STAG3: variants seen among roughly 807,000 people sequenced by gnomAD.
STAG3 encodes STAG3 cohesin complex component, also known as cohesin subunit SA-3.
A neutral mutation model predicts 160.7 loss-of-function variants in STAG3; 101 were observed. The ratio of observed to expected loss-of-function variants is 0.63; its 90% CI spans 0.54 to 0.74. The LOEUF (loss-of-function observed/expected upper bound fraction) is 0.74, where lower values mean the gene tolerates loss of function less well. Among genes scored for constraint, STAG3 ranks in the 30% least tolerant of loss-of-function variants. STAG3 has a pLI of 0.00. For synonymous variants in STAG3, 519 were observed against 585.0 expected (o/e 0.89, Z 1.63); for missense variants, 1,188 against 1,517.4 (o/e 0.78, Z 3.61).
At chr7:100,192,069 C>G (rs572680342) in intron 8 of STAG3, among the ~76,000 whole-genome samples, 2 of 152,348 alleles carry the variant, frequency 1.3e-5, no homozygotes, top group Non-Finnish European at 2.9e-5. Context: ...GTCTCTACTT[C>G]TAGTTCTCTT....
At chr7:100,212,807 C>A (rs909436672) in intron 32 of STAG3, 1 of 152,060 alleles carries the variant, frequency 6.6e-6, no homozygotes, top group Admixed American at 6.5e-5. Context: ...GTTCCAGCAA[C>A]TCGGGAGGTG....
In STAG3 at chr7:100,201,281, G is replaced by A. The variant is rs907848936; in HGVS notation, c.2150G>A (p.Arg717His). 15 of 1,613,996 alleles carry A rather than the reference G, an allele frequency of 9.3e-6. No individual in the cohort carries two copies. The highest frequency in any genetic ancestry group is 3.3e-5 in the South Asian group (3 of 91,074). The change falls in exon 21 of 34, where the codon CGC becomes CAC. Residue 717 changes from arginine (R) to histidine (H), a missense_variant. Physicochemically the swap from Arg to His is conservative, Grantham distance 29. Transcript: ENST00000615138. ...CCCCAAAGCACTCATGACCTGACTC[G>A]CTGGGAGCTCTATGAGCCATGTTGC... The part of the protein sequence containing the change: ...SAFYNTHDLT[R>H]WELYEPCCQL...
rs6948729 is a variant in STAG3, at chr7:100,189,749, A to G, written c.867+153A>G. Among the ~76,000 whole-genome samples the G allele has an allele frequency of 0.31, 47,024 of 152,032 alleles. 7,958 individuals carry two copies. Among genetic ancestry groups the G allele is most frequent in the East Asian group, 0.63 (3,232 of 5,170 alleles). On this transcript the variant is annotated intron_variant, in intron 8 of 33. Transcript: ENST00000615138. ...TAGACCCATCCTGTAAGGGGTCATTACATGCTCATCTTGTTTCTGGGTTGT... is the reference window on the plus strand; with the variant it reads ...TAGACCCATCCTGTAAGGGGTCATTGCATGCTCATCTTGTTTCTGGGTTGT...
chr7:100,194,382 GGAGA>G (rs960199505), intron 8 of STAG3, among the ~76,000 whole-genome samples: 4 of 152,056 alleles, frequency 2.6e-5, no homozygotes, highest in Admixed American at 2.0e-4. Flanking sequence ...GGAGGCCTGA[GGAGA>G]GAGAGAGAGA....
At chr7:100,191,684 G>A (rs13311189) in intron 8 of STAG3, among the ~76,000 whole-genome samples, 4 of 152,230 alleles carry the variant, frequency 2.6e-5, no homozygotes, top group Non-Finnish European at 5.9e-5. Flanking sequence ...GCTGCTGACT[G>A]ATCAGGGTAG....
chr7:100,183,391 A>G (rs1408276676), intron 4 of STAG3, among the ~76,000 whole-genome samples: 2 of 152,222 alleles, frequency 1.3e-5, no homozygotes, highest in Admixed American at 6.5e-5. Flanking sequence ...AGATGAGGAG[A>G]GGCATTGCAT....
rs1314986451 is a variant in STAG3, at chr7:100,200,793, C to G, written c.1885C>G (p.Leu629Val). ...GCACCTGGAGCTGTTCCTGCAGCAA[C>G]TCCAGGAGGTGGTGGTGAAGCATGC... ...EKHLELFLQQ[L>V]QEVVVKHAEP... Residue 629 changes from leucine (L) to valine (V), a missense_variant, in exon 19 of 34, where the codon CTC becomes GTC. By Grantham distance (32) the Leu-to-Val change is conservative. This residue lies in a region of STAG3 where 240 missense variants were observed against 358.1 expected (regional missense o/e 0.67). Transcript: ENST00000615138. 6.2e-7 allele frequency: 1 copy of G among 1,614,224 alleles called. No homozygotes were observed. Among genetic ancestry groups the G allele is most frequent in the East Asian group, 2.2e-5 (1 of 44,886 alleles).
At chr7:100,211,663 C>G (rs1802221613) in intron 31 of STAG3, 124 bp downstream of exon 31, 1 of 1,397,198 alleles carries the variant, frequency 7.2e-7, no homozygotes, top group African/African-American at 1.4e-5. Flanking sequence ...CAGAGCACTT[C>G]CTGTCAGCAC....
chr7:100,194,091 G>A (rs1246390355), intron 8 of STAG3, among the ~76,000 whole-genome samples: 5 of 151,878 alleles, frequency 3.3e-5, no homozygotes, highest in African/African-American at 1.2e-4. Context: ...GGGGTTATAG[G>A]TGCCCGCCAC....
At chr7:100,215,675 T>G (rs1365309832), downstream of STAG3, among the ~76,000 whole-genome samples, 1 of 152,130 alleles carries the variant, frequency 6.6e-6, no homozygotes, top group Non-Finnish European at 1.5e-5. Flanking sequence ...TATGGACACC[T>G]GTGTACAGCC....
chr7:100,196,129 CAAAAAAAGA>C lies in STAG3; in HGVS notation c.941+764_941+772del, dbSNP rs1167893125. On this transcript the variant is annotated intron_variant, in intron 9 of 33. Coordinates refer to ENST00000615138, the MANE Select transcript of STAG3 (RefSeq NM_001282717.2). ...AGGCAACAAGAGTGAAACTCCATCT[CAAAAAAAGA>C]AAAAAAAGAAAAAAAAAATTGTAGA... 1.8e-3 allele frequency among the ~76,000 whole-genome samples: 265 copies of C among 149,548 alleles called. 2 individuals carry two copies. The highest frequency in any genetic ancestry group is 7.4e-3 in the South Asian group (35 of 4,732).
Position 100,204,072 on chromosome 7 carries a change from C to T in STAG3, c.2752C>T (p.Gln918Ter), listed in dbSNP as rs778830962. 1 of 1,614,086 alleles carries T rather than the reference C, an allele frequency of 6.2e-7. No individual in the cohort carries two copies. Among genetic ancestry groups the T allele is most frequent in the Admixed American group, 1.7e-5 (1 of 60,012 alleles). Residue 918 changes from glutamine to a stop codon, truncating the protein, a stop_gained, in exon 26 of 34, where the codon CAG becomes TAG. Transcript: ENST00000615138. LOFTEE classifies it high-confidence loss of function. ...CAAGGAAACATTAACTAGAGCAAGG[C>T]AGATTGACCGAAGTCATTGTTCCCG... Reference protein sequence around the residue: ...IIKETLTRARQIDRSHCSRIL... With the variant: ...IIKETLTRAR
chr7:100,213,414 G>C (rs1464852706), intron 32 of STAG3: 1 of 985,338 alleles, frequency 1.0e-6, no homozygotes, highest in East Asian at 1.1e-4. Flanking sequence ...CTCAGAAGGA[G>C]AAACCAAACA....
In STAG3 at chr7:100,204,081, C is replaced by G. The variant is rs772448727; in HGVS notation, c.2761C>G (p.Arg921Gly). 4 of 1,614,100 alleles carry G rather than the reference C, an allele frequency of 2.5e-6. No individual in the cohort carries two copies. The highest frequency in any genetic ancestry group is 1.3e-5 in the African/African-American group (1 of 75,036). The change falls in exon 26 of 34, where the codon CGA becomes GGA. Residue 921 changes from arginine to glycine, a missense_variant. By Grantham distance (125) the Arg-to-Gly change is moderately radical. Coordinates refer to ENST00000615138, the MANE Select transcript of STAG3 (RefSeq NM_001282717.2). ...ATTAACTAGAGCAAGGCAGATTGACCGAAGTCATTGTTCCCGAATCCTGCT... is the reference window on the plus strand; with the variant it reads ...ATTAACTAGAGCAAGGCAGATTGACGGAAGTCATTGTTCCCGAATCCTGCT... ...ETLTRARQID[R>G]SHCSRILLLS...
chr7:100,210,968 C>A, intron 29 of STAG3, 43 bp from the exon 30 acceptor site: 1 of 1,582,892 alleles, frequency 6.3e-7, no homozygotes. Flanking sequence ...GCACACCTGT[C>A]GCAGGCCCTG....
At position 100,211,887 on chromosome 7, in the gene STAG3, C is replaced by A. The variant is rs775157188; in HGVS notation, c.3600+11C>A. On this transcript the variant is annotated intron_variant, in intron 32 of 33. Coordinates refer to ENST00000615138, the MANE Select transcript of STAG3 (RefSeq NM_001282717.2). ...CAGGATACAGACATGGTGAGTAGAC[C>A]ACCCTGCCCTTCTCTCTCAAGAACT... 23 of 1,612,668 alleles carry A rather than the reference C, an allele frequency of 1.4e-5. No homozygotes were observed. Among genetic ancestry groups the A allele is most frequent in the Non-Finnish European group, 1.9e-5 (22 of 1,179,302 alleles).
At chr7:100,188,147 A>G (rs1800144913) in intron 5 of STAG3, among the ~76,000 whole-genome samples, 1 of 152,096 alleles carries the variant, frequency 6.6e-6, no homozygotes, top group African/African-American at 2.4e-5. Flanking sequence ...AGAGATTTGT[A>G]TCTTTGTGAT....
chr7:100,201,952 C>T lies in STAG3; in HGVS notation c.2305C>T (p.Gln769Ter). ...CTTCAAGCCACTGTGCCCACAGAAG[C>T]AGCTGTCGAGTTTGAGGGACAGAAT... ...HISKSDASQK[Q>*]LSSLRDRMVA... Residue 769 changes from glutamine (Q) to a stop codon, truncating the protein, a stop_gained, in exon 23 of 34, where the codon CAG becomes TAG. Coordinates refer to ENST00000615138, the MANE Select transcript of STAG3 (RefSeq NM_001282717.2). LOFTEE classifies it high-confidence loss of function. 6.2e-7 allele frequency: 1 copy of T among 1,614,182 alleles called. No homozygotes were observed. Among genetic ancestry groups the T allele is most frequent in the Non-Finnish European group, 8.5e-7 (1 of 1,180,036 alleles).
chr7:100,211,886 C>T lies in STAG3; in HGVS notation c.3600+10C>T. 1.2e-6 allele frequency: 2 copies of T among 1,612,602 alleles called. No homozygotes were observed. The highest frequency in any genetic ancestry group is 1.7e-6 in the Non-Finnish European group (2 of 1,179,242). On this transcript the variant is annotated intron_variant, in intron 32 of 33. Transcript: ENST00000615138. ...GCAGGATACAGACATGGTGAGTAGA[C>T]CACCCTGCCCTTCTCTCTCAAGAAC...
Sources: allele counts gnomAD v4.1 joint callset (sites outside exome capture counted in the v4.1 genomes callset), GRCh38; gene constraint gnomAD v4.1.1; regional missense constraint gnomAD v4.1.1; transcripts MANE v1.5; gene names NCBI Gene and HGNC (gene_info 2026-07-23, HGNC 2026-07-21).